Variants in EPM2A observed in about 807,000 individuals in gnomAD.
EPM2A encodes the protein EPM2A glucan phosphatase, laforin, also known as laforin.
In EPM2A, 21 loss-of-function variants were observed where a neutral mutation model predicts 26.5. The ratio of observed to expected loss-of-function variants is 0.79; its 90% CI spans 0.56 to 1.14. The LOEUF (loss-of-function observed/expected upper bound fraction) is 1.14. EPM2A is among the 50% of genes most tolerant of loss of function. The pLI is 0.00. For missense variants in EPM2A, 458 were observed against 440.8 expected (o/e 1.04, Z -0.35); for synonymous variants, 217 against 177.6 (o/e 1.22, Z -1.76).
rs996907892 is a variant in EPM2A at position 145,608,490 on chromosome 6, C to A, written c.340+26755G>T. Among the ~76,000 whole-genome samples the A allele has an allele frequency of 2.6e-5, 4 of 152,076 alleles. No homozygotes were observed. The East Asian group carries it at 7.7e-4, about 29-fold the overall frequency. ...CATATGAAAAATTTCTTTGTAATCC[C>A]TTTCATTTGTTTCACCCATACCACG... On this transcript the variant is annotated intron_variant, in intron 2 of 3. Transcript: ENST00000450221.
At chr6:145,468,863 G>C (rs1373453134) in intron 4 of EPM2A, among the ~76,000 whole-genome samples, 1 of 152,052 alleles carries the variant, frequency 6.6e-6, no homozygotes, top group Non-Finnish European at 1.5e-5. Flanking sequence ...CCACAGAATG[G>C]TAGAAAATAT....
chr6:145,591,198 G>T (rs1781269099), intron 2 of EPM2A, among the ~76,000 whole-genome samples: 1 of 151,836 alleles, frequency 6.6e-6, no homozygotes, highest in Non-Finnish European at 1.5e-5. Context: ...AAGATGTCAA[G>T]AACTATAGCA....
chr6:145,409,189 A>T lies in EPM2A; in HGVS notation c.556-25092T>A, dbSNP rs1778609658. Among the ~76,000 whole-genome samples the T allele has an allele frequency of 3.3e-5, 5 of 152,138 alleles. No homozygotes were observed. The South Asian group carries it at 1.0e-3, about 32-fold the overall frequency. ...GGAAAATAAATTGATGCAAGCTGTA[A>T]TGTCACATGTCTGTAGAGCAACTTA... On this transcript the variant is annotated intron_variant, in intron 4 of 4. Coordinates refer to the EPM2A transcript ENST00000638717.
chr6:145,403,695 T>C (rs907023299), intron 4 of EPM2A, among the ~76,000 whole-genome samples: 2 of 152,136 alleles, frequency 1.3e-5, no homozygotes, highest in African/African-American at 4.8e-5. Context: ...CTTCCAAATC[T>C]TAGCTATTAT....
chr6:145,397,188 T>C (rs1187569742), intron 4 of EPM2A, among the ~76,000 whole-genome samples: 1 of 152,116 alleles, frequency 6.6e-6, no homozygotes, highest in Admixed American at 6.5e-5. Context: ...CTCAGCACTT[T>C]GGGAGGTCAA....
intron 4 of EPM2A, among the ~76,000 whole-genome samples, chr6:145,428,798 C>T (rs527401277): frequency 6.6e-6 from 1 of 152,334 alleles, no homozygotes; most frequent in Admixed American, 6.5e-5. Context: ...CTTCATCGCA[C>T]AGTAAGAGCC....
intron 4 of EPM2A, among the ~76,000 whole-genome samples, chr6:145,449,427 T>A (rs1779168720): frequency 6.6e-6 from 1 of 152,202 alleles, no homozygotes; most frequent in South Asian, 2.1e-4. Context: ...TTGACAGAGA[T>A]CCGTCAACTT....
intron 2 of EPM2A, among the ~76,000 whole-genome samples, chr6:145,562,094 C>CA (rs11402553): frequency 0.4 from 50,103 of 123,800 alleles, 9,307 homozygotes; most frequent in South Asian, 0.55. Flanking sequence ...GAAAAAAATG[C>CA]AAAAAAAACT....
At chr6:145,418,831 T>A (rs1453968141) in intron 4 of EPM2A, among the ~76,000 whole-genome samples, 1 of 152,216 alleles carries the variant, frequency 6.6e-6, no homozygotes, top group Non-Finnish European at 1.5e-5. Flanking sequence ...CCAGAGCTGC[T>A]CTGAAACCTG....
intron 2 of EPM2A, among the ~76,000 whole-genome samples, chr6:145,594,492 T>A (rs1460719995): frequency 1.3e-5 from 2 of 151,670 alleles, no homozygotes; most frequent in Non-Finnish European, 3.0e-5. Flanking sequence ...TCGATAGATA[T>A]TACAAGAAAG....
At chr6:145,529,742 T>TTA (rs1252568244) in intron 2 of EPM2A, among the ~76,000 whole-genome samples, 1 of 152,196 alleles carries the variant, frequency 6.6e-6, no homozygotes, top group Non-Finnish European at 1.5e-5. Context: ...AGCAGGCACT[T>TTA]GGTAAACACT....
chr6:145,697,406 G>A (rs1781659566), intron 1 of EPM2A, among the ~76,000 whole-genome samples: 1 of 152,132 alleles, frequency 6.6e-6, no homozygotes, highest in Non-Finnish European at 1.5e-5. Context: ...CAGGACCGGG[G>A]CAAAATTAAA....
chr6:145,525,367 A>G (rs1362350436), intron 2 of EPM2A, among the ~76,000 whole-genome samples: 1 of 152,058 alleles, frequency 6.6e-6, no homozygotes, highest in Non-Finnish European at 1.5e-5. Flanking sequence ...TGATAGGAAT[A>G]GCATTGACTG....
chr6:145,403,244 T>A (rs1305297090), intron 4 of EPM2A, among the ~76,000 whole-genome samples: 1 of 151,524 alleles, frequency 6.6e-6, no homozygotes, highest in Non-Finnish European at 1.5e-5. Context: ...TTACAAACAA[T>A]CCAATTACTC....
chr6:145,460,238 G>C (rs6905046), intron 4 of EPM2A, among the ~76,000 whole-genome samples: 16,586 of 152,066 alleles, frequency 0.11, 2,005 homozygotes, highest in African/African-American at 0.3. Flanking sequence ...CACTGAATAT[G>C]TTATTTACCA....
intron 4 of EPM2A, among the ~76,000 whole-genome samples, chr6:145,472,611 T>C (rs1779489320): frequency 6.6e-6 from 1 of 151,952 alleles, no homozygotes; most frequent in Non-Finnish European, 1.5e-5. Context: ...CAAGGGAACA[T>C]CAGAGGAAGT....
intron 2 of EPM2A, among the ~76,000 whole-genome samples, chr6:145,594,206 C>G (rs1781310322): frequency 6.6e-6 from 1 of 151,660 alleles, no homozygotes; most frequent in South Asian, 2.1e-4. Flanking sequence ...TACCAAAGCT[C>G]ACACAAGGAG....
chr6:145,383,476 A>G (rs1240178368), exon 5 of EPM2A: 1 of 152,196 alleles, frequency 6.6e-6, no homozygotes. Flanking sequence ...AGCAAAGGGG[A>G]AGCAGATACA....
At chr6:145,458,496 A>G (rs1446305101) in intron 4 of EPM2A, among the ~76,000 whole-genome samples, 1 of 152,184 alleles carries the variant, frequency 6.6e-6, no homozygotes, top group Non-Finnish European at 1.5e-5. Flanking sequence ...CTCTCGAGGC[A>G]TTAGGATATC....
Sources: allele counts gnomAD v4.1 joint callset (sites outside exome capture counted in the v4.1 genomes callset), GRCh38; gene constraint gnomAD v4.1.1; transcripts MANE v1.5; gene names NCBI Gene and HGNC (gene_info 2026-07-23, HGNC 2026-07-21).